PRKG1: variants seen among roughly 807,000 people sequenced by gnomAD.
PRKG1 encodes protein kinase cGMP-dependent 1, also known as cGMP-dependent protein kinase 1.
In PRKG1, 35 loss-of-function variants were observed where a neutral mutation model predicts 88.1. That is an observed-to-expected ratio of 0.40 (90% CI 0.30 to 0.53). The LOEUF (loss-of-function observed/expected upper bound fraction) is 0.53. Among genes scored for constraint, PRKG1 ranks in the 20% least tolerant of loss-of-function variants. PRKG1 has a pLI of 0.59. For synonymous variants in PRKG1, 303 were observed against 292.5 expected (o/e 1.04, Z -0.37); for missense variants, 540 against 839.8 (o/e 0.64, Z 4.41).
At chr10:51,988,093 G>A (rs2454553) in intron 5 of PRKG1, among the ~76,000 whole-genome samples, 134,223 of 151,796 alleles carry the variant, frequency 0.88, 59,485 homozygotes, top group East Asian at 1. Context: ...CACCATTCTA[G>A]CCACTATTGT....
intron 2 of PRKG1, among the ~76,000 whole-genome samples, chr10:51,389,549 A>C (rs1837344242): frequency 6.6e-6 from 1 of 152,162 alleles, no homozygotes. Context: ...GGGCAGGCAG[A>C]CAGCTCTAGG....
At chr10:52,013,500 G>A (rs1490519619) in intron 5 of PRKG1, among the ~76,000 whole-genome samples, 1 of 152,104 alleles carries the variant, frequency 6.6e-6, no homozygotes, top group African/African-American at 2.4e-5. Context: ...GGAGGAGGTA[G>A]TATTTTTGCT....
intron 2 of PRKG1, among the ~76,000 whole-genome samples, chr10:51,433,369 G>A (rs1172932020): frequency 1.3e-5 from 2 of 152,118 alleles, no homozygotes; most frequent in African/African-American, 4.8e-5. Flanking sequence ...GTTGCCCCAT[G>A]TTGTAGCTTG....
chr10:51,866,107 A>G (rs1841008298), intron 4 of PRKG1, among the ~76,000 whole-genome samples: 1 of 152,018 alleles, frequency 6.6e-6, no homozygotes, highest in Admixed American at 6.6e-5. Context: ...TTGTTGACTG[A>G]TATGTTGTAT....
At chr10:51,831,510 C>T (rs1050066014) in intron 4 of PRKG1, among the ~76,000 whole-genome samples, 2 of 152,104 alleles carry the variant, frequency 1.3e-5, no homozygotes, top group Non-Finnish European at 2.9e-5. Context: ...AAAACAAAAG[C>T]AAGAAAGAAT....
chr10:52,137,315 A>G (rs1589639526), intron 8 of PRKG1, among the ~76,000 whole-genome samples: 1 of 152,056 alleles, frequency 6.6e-6, no homozygotes. Flanking sequence ...TAGTCTACTT[A>G]TTATCTTAAT....
intron 3 of PRKG1, among the ~76,000 whole-genome samples, chr10:51,488,737 CTATT>C (rs753052709): frequency 1.3e-5 from 2 of 152,142 alleles, no homozygotes; most frequent in Non-Finnish European, 2.9e-5. Context: ...GATAATAAAA[CTATT>C]TAACTGGGAG....
At chr10:51,123,075 C>G (rs1199344619) in intron 1 of PRKG1, among the ~76,000 whole-genome samples, 1 of 152,210 alleles carries the variant, frequency 6.6e-6, no homozygotes, top group Non-Finnish European at 1.5e-5. Context: ...CACTGTTGTA[C>G]TGAGCTACCT....
At chr10:51,256,495 G>A (rs1350659996) in intron 2 of PRKG1, among the ~76,000 whole-genome samples, 1 of 152,054 alleles carries the variant, frequency 6.6e-6, no homozygotes, top group Non-Finnish European at 1.5e-5. Flanking sequence ...GCAAACAGAA[G>A]AATATGAGGT....
At chr10:51,418,515 C>T (rs1838310390) in intron 2 of PRKG1, among the ~76,000 whole-genome samples, 1 of 152,186 alleles carries the variant, frequency 6.6e-6, no homozygotes, top group Non-Finnish European at 1.5e-5. Context: ...GACCTAACTA[C>T]AGATATATCT....
At chr10:51,495,659 T>C (rs943870674) in intron 3 of PRKG1, among the ~76,000 whole-genome samples, 8 of 152,248 alleles carry the variant, frequency 5.3e-5, no homozygotes, top group South Asian at 2.1e-4. Context: ...AGATATCAAA[T>C]GCTTGTCACT....
intron 5 of PRKG1, among the ~76,000 whole-genome samples, chr10:51,919,490 A>C (rs1217357745): frequency 1.3e-5 from 2 of 151,774 alleles, no homozygotes; most frequent in African/African-American, 4.8e-5. Context: ...ACGTAACATG[A>C]TTTGTCTTGT....
intron 1 of PRKG1, among the ~76,000 whole-genome samples, chr10:51,000,258 G>A (rs185227013): frequency 1.1e-3 from 175 of 152,304 alleles, no homozygotes; most frequent in African/African-American, 3.5e-3. Flanking sequence ...GGCACCTCCC[G>A]AGGGATAGCC....
chr10:51,791,040 A>G (rs1838858123), intron 3 of PRKG1, among the ~76,000 whole-genome samples: 1 of 152,182 alleles, frequency 6.6e-6, no homozygotes, highest in Non-Finnish European at 1.5e-5. Context: ...TATAAGTTCT[A>G]ATTACTAGTC....
chr10:51,034,375 CAG>C (rs1477699799), intron 1 of PRKG1, among the ~76,000 whole-genome samples: 2 of 151,900 alleles, frequency 1.3e-5, no homozygotes, highest in Non-Finnish European at 2.9e-5. Flanking sequence ...GTGAGACAGA[CAG>C]AATATTATCA....
chr10:51,084,049 C>T (rs1844183988), intron 1 of PRKG1, among the ~76,000 whole-genome samples: 1 of 152,004 alleles, frequency 6.6e-6, no homozygotes, highest in African/African-American at 2.4e-5. Flanking sequence ...TGTCTTTTCC[C>T]CACTCCTAAA....
intron 8 of PRKG1, among the ~76,000 whole-genome samples, chr10:52,157,902 T>A (rs1044762972): frequency 2.0e-5 from 3 of 151,708 alleles, no homozygotes; most frequent in African/African-American, 7.2e-5. Flanking sequence ...TCTTTCAATA[T>A]CTGTGTACTC....
Position 52,034,178 on chromosome 10 carries a change from A to T in PRKG1, c.763-20306A>T, listed in dbSNP as rs974808061. Among the ~76,000 whole-genome samples, 4 of 152,170 alleles carry T rather than the reference A, an allele frequency of 2.6e-5. No individual in the cohort carries two copies. The East Asian group carries it at 7.7e-4, about 29-fold the overall frequency. On this transcript the variant is annotated intron_variant, in intron 5 of 17. Transcript: ENST00000373980. The stretch of plus-strand genomic sequence containing the variant: ...ACATGTGCAAATCACAGGGGATGCC[A>T]TGGCTTGGCTTGGGCTCAGAGGCCT...
At chr10:52,238,002 C>G (rs1413987904) in intron 9 of PRKG1, among the ~76,000 whole-genome samples, 1 of 125,034 alleles carries the variant, frequency 8.0e-6, no homozygotes, top group African/African-American at 3.2e-5. Context: ...ACAGAGCCCT[C>G]AGAAATAACG....
Sources: allele counts gnomAD v4.1 joint callset (sites outside exome capture counted in the v4.1 genomes callset), GRCh38; gene constraint gnomAD v4.1.1; transcripts MANE v1.5; gene names NCBI Gene and HGNC (gene_info 2026-07-23, HGNC 2026-07-21).